The following KIAA1217 variants were observed in gnomAD, a reference collection of about 807,000 sequenced individuals.
KIAA1217 encodes KIAA1217, also known as sickle tail protein homolog.
A neutral mutation model predicts 163.9 loss-of-function variants in KIAA1217; 88 were observed. The observed-to-expected ratio is 0.54, with a 90% CI of 0.45 to 0.64. The LOEUF (loss-of-function observed/expected upper bound fraction) is 0.64. Among genes scored for constraint, KIAA1217 ranks in the 30% least tolerant of loss-of-function variants. The pLI is 0.00. For missense variants in KIAA1217, 2,372 were observed against 2,475.0 expected (o/e 0.96, Z 0.88); for synonymous variants, 903 against 923.1 (o/e 0.98, Z 0.39).
At chr10:24,224,844 T>TTTTTTA (rs2070246338) in intron 2 of KIAA1217, among the ~76,000 whole-genome samples, 1 of 147,622 alleles carries the variant, frequency 6.8e-6, no homozygotes, top group African/African-American at 2.5e-5. Context: ...TTTTTTTTTT[T>TTTTTTA]GAGATGGAGT....
intron 3 of KIAA1217, among the ~76,000 whole-genome samples, chr10:24,394,143 G>A (rs1047651460): frequency 1.3e-5 from 2 of 152,212 alleles, no homozygotes. Context: ...TCTTTTCGGC[G>A]ATTCTCAAGC....
intron 2 of KIAA1217, among the ~76,000 whole-genome samples, chr10:24,110,614 A>G (rs1255793692): frequency 6.6e-6 from 1 of 152,258 alleles, no homozygotes; most frequent in Non-Finnish European, 1.5e-5. Context: ...AAAAAAAAAA[A>G]AAACTCAAAA....
chr10:24,006,177 G>C (rs1846989008), intron 1 of KIAA1217, among the ~76,000 whole-genome samples: 2 of 152,174 alleles, frequency 1.3e-5, no homozygotes, highest in South Asian at 4.1e-4. Flanking sequence ...TATTTTAAAA[G>C]TATAATAGCA....
chr10:24,023,416 A>G (rs1847814906), intron 2 of KIAA1217, among the ~76,000 whole-genome samples: 1 of 151,650 alleles, frequency 6.6e-6, no homozygotes, highest in Non-Finnish European at 1.5e-5. Flanking sequence ...TGAACAGTAC[A>G]GGTTTGAATT....
intron 2 of KIAA1217, among the ~76,000 whole-genome samples, chr10:24,085,900 G>A (rs1289387091): frequency 2.0e-5 from 3 of 152,012 alleles, no homozygotes; most frequent in Non-Finnish European, 4.4e-5. Context: ...TTAAGCAGAG[G>A]AGGTTGAGGC....
intron 1 of KIAA1217, among the ~76,000 whole-genome samples, chr10:23,702,777 G>A (rs1248198017): frequency 4.0e-5 from 6 of 151,508 alleles, no homozygotes; most frequent in Non-Finnish European, 8.8e-5. Context: ...CTACTGAACA[G>A]ACAATATCGA....
intron 1 of KIAA1217, among the ~76,000 whole-genome samples, chr10:23,966,735 T>A (rs1238130130): frequency 1.3e-5 from 2 of 152,346 alleles, no homozygotes; most frequent in East Asian, 1.9e-4. Flanking sequence ...TGATTTAGAC[T>A]GGTGAAGGCC....
At chr10:23,722,639 C>A (rs116100875) in intron 1 of KIAA1217, among the ~76,000 whole-genome samples, 1 of 152,076 alleles carries the variant, frequency 6.6e-6, no homozygotes, top group Non-Finnish European at 1.5e-5. Flanking sequence ...AACAAAAATG[C>A]GATATAATAT....
intron 1 of KIAA1217, among the ~76,000 whole-genome samples, chr10:23,824,055 T>C (rs1052255117): frequency 6.6e-6 from 1 of 151,448 alleles, no homozygotes; most frequent in African/African-American, 2.4e-5. Context: ...GTGGACAACT[T>C]GAGCCCAGGA....
At chr10:24,545,430 G>A in intron 20 of KIAA1217, 1 of 1,294,292 alleles carries the variant, frequency 7.7e-7, no homozygotes. Context: ...ACCAACCTGT[G>A]GTTGAACTGC....
At chr10:24,463,663 T>A (rs749165610) in intron 5 of KIAA1217, among the ~76,000 whole-genome samples, 6 of 152,200 alleles carry the variant, frequency 3.9e-5, no homozygotes, top group Non-Finnish European at 7.3e-5. Flanking sequence ...TTAAAGCCAA[T>A]GAAGAAATGA....
At chr10:24,096,896 A>G (rs1252694406) in intron 2 of KIAA1217, among the ~76,000 whole-genome samples, 1 of 152,232 alleles carries the variant, frequency 6.6e-6, no homozygotes, top group Non-Finnish European at 1.5e-5. Context: ...ATTGCTTTCT[A>G]GAGCCAAGGA....
chr10:23,794,807 G>T (rs985148970), intron 1 of KIAA1217, among the ~76,000 whole-genome samples: 3 of 152,222 alleles, frequency 2.0e-5, no homozygotes, highest in Non-Finnish European at 4.4e-5. Context: ...GTTTCTTTTG[G>T]TGGTAAATAT....
chr10:23,847,415 G>T (rs575668995), intron 1 of KIAA1217, among the ~76,000 whole-genome samples: 1 of 152,222 alleles, frequency 6.6e-6, no homozygotes, highest in South Asian at 2.1e-4. Flanking sequence ...CCTGTTATTG[G>T]TCTATTCAGG....
chr10:23,748,439 TGGAA>T lies in KIAA1217; in HGVS notation c.-321+53223_-321+53226del, dbSNP rs1191194593. Reference sequence around the variant, plus strand: ...CTAGCAGGCACCCAAGAAATGCTTCTGGAAGGAAGGAAGGAAGGAAGCAAGGAAG... The same window carrying T: ...CTAGCAGGCACCCAAGAAATGCTTCTGGAAGGAAGGAAGGAAGCAAGGAAG... On this transcript the variant is annotated intron_variant, in intron 1 of 18. Transcript: ENST00000376462. 4.9e-4 allele frequency among the ~76,000 whole-genome samples: 66 copies of T among 133,822 alleles called. 1 individual carries two copies. The highest frequency in any genetic ancestry group is 2.1e-3 in the Admixed American group (26 of 12,596). The allele number at this position is 133,822 out of a possible 152,430, so 87.8% of individuals were successfully genotyped here.
At chr10:24,216,249 G>A (rs140983876) in intron 1 of KIAA1217, among the ~76,000 whole-genome samples, 48 of 152,180 alleles carry the variant, frequency 3.2e-4, no homozygotes, top group African/African-American at 9.6e-4. Context: ...TTATTGTCCC[G>A]GCTGTCTTGA....
chr10:23,967,692 T>C (rs1260975557), intron 1 of KIAA1217, among the ~76,000 whole-genome samples: 15 of 152,200 alleles, frequency 9.9e-5, no homozygotes. Flanking sequence ...TGGAAAGACA[T>C]ACAATAATGC....
chr10:24,353,182 CCCAAG>C (rs533776894), intron 2 of KIAA1217, among the ~76,000 whole-genome samples: 332 of 152,214 alleles, frequency 2.2e-3, no homozygotes, highest in African/African-American at 7.7e-3. Flanking sequence ...GATAGAGCCA[CCCAAG>C]CAGATGTCCC....
chr10:24,129,141 G>T (rs755305912), intron 2 of KIAA1217, among the ~76,000 whole-genome samples: 3 of 152,170 alleles, frequency 2.0e-5, no homozygotes, highest in Non-Finnish European at 2.9e-5. Context: ...TACAGAAAAT[G>T]CTGATGCAGA....
Sources: gnomAD v4.1 joint callset for allele counts (sites outside exome capture counted in the v4.1 genomes callset) on GRCh38, gnomAD v4.1.1 for gene constraint, MANE v1.5 for transcripts, NCBI Gene and HGNC (gene_info 2026-07-23, HGNC 2026-07-21) for gene names.